The following STX8 variants were observed in gnomAD, a reference collection of about 807,000 sequenced individuals.
STX8 encodes syntaxin-8.
A neutral mutation model predicts 37.5 loss-of-function variants in STX8; 23 were observed. That is an observed-to-expected ratio of 0.61 (90% CI 0.44 to 0.87). The LOEUF is 0.87. Among genes scored for constraint, STX8 ranks in the 40% least tolerant of loss-of-function variants. The pLI is 0.00. For synonymous variants in STX8, 115 were observed against 99.1 expected, an observed-to-expected ratio of 1.16 and a Z score of -0.95; for missense variants, 313 against 284.7, an observed-to-expected ratio of 1.10 and a Z score of -0.71.
intron 7 of STX8, among the ~76,000 whole-genome samples, chr17:9,313,343 G>A (rs951139624): frequency 1.3e-5 from 2 of 152,150 alleles, no homozygotes; most frequent in Non-Finnish European, 2.9e-5. Flanking sequence ...TAGCAAAAGA[G>A]GGCTTTTTAA....
At chr17:9,425,765 C>T (rs540490524) in intron 6 of STX8, among the ~76,000 whole-genome samples, 11 of 152,244 alleles carry the variant, frequency 7.2e-5, no homozygotes, top group South Asian at 4.2e-4. Flanking sequence ...TAAGCACGGA[C>T]GACAATCTGA....
chr17:9,543,028 CATT>C (rs1906346117), intron 4 of STX8, among the ~76,000 whole-genome samples: 1 of 152,170 alleles, frequency 6.6e-6, no homozygotes, highest in South Asian at 2.1e-4. Context: ...CCTTCAGCAT[CATT>C]AAGTGGCACA....
At chr17:9,499,631 C>T (rs1265044207) in intron 5 of STX8, among the ~76,000 whole-genome samples, 1 of 152,204 alleles carries the variant, frequency 6.6e-6, no homozygotes, top group African/African-American at 2.4e-5. Context: ...ATCTCTTGAC[C>T]TTGTGATGTG....
rs530599241 is a variant in STX8, at chr17:9,366,519, C to T, written c.643+12033G>A. Among the ~76,000 whole-genome samples, 4 of 152,324 alleles carry T rather than the reference C, an allele frequency of 2.6e-5. No homozygotes were observed. In the South Asian group the frequency reaches 8.3e-4, roughly 32 times the overall value. On this transcript the variant is annotated intron_variant, in intron 7 of 7. Coordinates refer to ENST00000306357, the MANE Select transcript of STX8 (RefSeq NM_004853.3). ...TGCTGGGATTACAAGTGTGAGCCAT[C>T]GCACCCGGCCTGCGTTACATTTCTA...
chr17:9,283,748 C>T (rs776963795), intron 7 of STX8, among the ~76,000 whole-genome samples: 2 of 152,136 alleles, frequency 1.3e-5, no homozygotes, highest in Non-Finnish European at 2.9e-5. Context: ...TTTCCAACAA[C>T]CTTGGTCTCT....
Position 9,431,845 on chromosome 17 carries a change from G to C in STX8, c.542-53192C>G, listed in dbSNP as rs539684950. Among the ~76,000 whole-genome samples, 7 of 152,226 alleles carry C rather than the reference G, an allele frequency of 4.6e-5. No individual in the cohort carries two copies. The South Asian group carries it at 1.4e-3, about 32-fold the overall frequency. ...AGGCTATGCTTGCAGAGCTTTCCCA[G>C]AAACCTCCCTTCCTTTTCCTTTCTG... is the stretch of plus-strand genomic sequence containing the variant. On this transcript the variant is annotated intron_variant, in intron 6 of 7. Coordinates refer to ENST00000306357, the MANE Select transcript of STX8 (RefSeq NM_004853.3).
chr17:9,557,321 A>C (rs1907020204), intron 3 of STX8, 113 bp downstream of exon 3: 2 of 774,566 alleles, frequency 2.6e-6, no homozygotes, highest in Admixed American at 5.1e-5. Context: ...TTTGGAAACC[A>C]GGTCTTCCTC....
chr17:9,458,617 G>A (rs1487171697), intron 6 of STX8, among the ~76,000 whole-genome samples: 1 of 152,192 alleles, frequency 6.6e-6, no homozygotes, highest in Non-Finnish European at 1.5e-5. Context: ...CTAACTTCGA[G>A]TTTGCTCTCG....
chr17:9,351,615 C>T (rs1329195787), intron 7 of STX8, among the ~76,000 whole-genome samples: 2 of 152,150 alleles, frequency 1.3e-5, no homozygotes, highest in East Asian at 3.8e-4. Context: ...TAATGTCCTT[C>T]TAGCTGGGTA....
At chr17:9,502,891 T>A (rs1461764221) in intron 5 of STX8, among the ~76,000 whole-genome samples, 2 of 151,668 alleles carry the variant, frequency 1.3e-5, no homozygotes, top group African/African-American at 4.8e-5. Flanking sequence ...TCGCTTGAGG[T>A]CAGGAGTTCG....
intron 3 of STX8, chr17:9,554,334 C>G (rs1906884702): frequency 6.6e-6 from 1 of 152,396 alleles, no homozygotes. Context: ...GGTTATCTCT[C>G]CAACTTCATC....
In STX8 at chr17:9,302,690, G is replaced by A. The variant is rs73265981; in HGVS notation, c.644-52045C>T. Among the ~76,000 whole-genome samples the A allele has an allele frequency of 9.2e-3, 1,399 of 152,138 alleles. 20 individuals carry two copies. The highest frequency in any genetic ancestry group is 0.032 in the African/African-American group (1,338 of 41,472). On this transcript the variant is annotated intron_variant, in intron 7 of 7. Transcript: ENST00000306357. The stretch of plus-strand genomic sequence containing the variant: ...ACCTGGCTTTGACCAAGGAGATGAG[G>A]ATCCACAGAGCACTGGTGGAGACAA...
intron 6 of STX8, among the ~76,000 whole-genome samples, chr17:9,443,985 C>T (rs1012596383): frequency 5.9e-5 from 9 of 152,260 alleles, no homozygotes; most frequent in African/African-American, 1.4e-4. Context: ...TCATGTGACA[C>T]GACGAATGAT....
intron 4 of STX8, among the ~76,000 whole-genome samples, chr17:9,544,340 G>A (rs756037444): frequency 3.9e-5 from 6 of 152,190 alleles, no homozygotes; most frequent in Non-Finnish European, 8.8e-5. Context: ...TGGAAAGCCC[G>A]ACCCGTCCTC....
intron 6 of STX8, among the ~76,000 whole-genome samples, chr17:9,416,485 C>T (rs1018170108): frequency 6.6e-6 from 1 of 152,106 alleles, no homozygotes; most frequent in Non-Finnish European, 1.5e-5. Context: ...TTCTCTGCCT[C>T]GGCCTCCCGA....
rs534168735 is a variant in STX8, at chr17:9,379,101, C to T, written c.542-448G>A. On this transcript the variant is annotated intron_variant, in intron 6 of 7. Coordinates refer to ENST00000306357, the MANE Select transcript of STX8 (RefSeq NM_004853.3). ...CTCTACTAAAAATACAAAAATTAGC[C>T]GGGTGTGGTGGTGTGCACCTGTAAT... Among the ~76,000 whole-genome samples, 6 of 151,900 alleles carry T rather than the reference C, an allele frequency of 3.9e-5. No individual in the cohort carries two copies. In the East Asian group the frequency reaches 7.7e-4, roughly 20 times the overall value.
intron 7 of STX8, among the ~76,000 whole-genome samples, chr17:9,339,579 A>T (rs1405045868): frequency 1.3e-5 from 2 of 152,060 alleles, no homozygotes; most frequent in Admixed American, 1.3e-4. Context: ...CCTTGAACCC[A>T]GGAGGTGGAG....
intron 7 of STX8, among the ~76,000 whole-genome samples, chr17:9,319,191 G>A (rs529181346): frequency 2.1e-4 from 32 of 152,260 alleles, no homozygotes; most frequent in Admixed American, 3.9e-4. Flanking sequence ...AGGCCGAGGC[G>A]GGCGGATCAC....
chr17:9,481,065 T>C (rs1241383921), intron 6 of STX8, among the ~76,000 whole-genome samples: 1 of 152,150 alleles, frequency 6.6e-6, no homozygotes, highest in Non-Finnish European at 1.5e-5. Flanking sequence ...TTTGTATTTT[T>C]AGTAGAGACA....
Sources: gnomAD v4.1 joint callset for allele counts (sites outside exome capture counted in the v4.1 genomes callset) on GRCh38, gnomAD v4.1.1 for gene constraint, MANE v1.5 for transcripts, NCBI Gene and HGNC (gene_info 2026-07-23, HGNC 2026-07-21) for gene names.